The following MED12 variants were observed in gnomAD, a reference collection of about 807,000 sequenced individuals.
MED12 encodes mediator complex subunit 12, also known as mediator of RNA polymerase II transcription subunit 12.
A neutral mutation model predicts 177.7 loss-of-function variants in MED12; 10 were observed. The ratio of observed to expected loss-of-function variants is 0.06; its 90% CI spans 0.03 to 0.10. The LOEUF (loss-of-function observed/expected upper bound fraction) is 0.10, where lower values mean the gene tolerates loss of function less well. Among genes scored for constraint, MED12 ranks in the 10% least tolerant of loss-of-function variants. The pLI, the probability that MED12 is intolerant of heterozygous loss-of-function variation, is 1.00. For synonymous variants in MED12, 641 were observed against 678.4 expected (o/e 0.94, Z 0.86); for missense variants, 867 against 1,780.8 (o/e 0.49, Z 9.23).
chrX:71,127,856 C>T (rs1380998869), intron 21 of MED12, 37 bp from the exon 22 acceptor site: 1 of 1,110,088 alleles, frequency 9.0e-7, no homozygotes, highest in Non-Finnish European at 1.2e-6. Context: ...AGCAGGCCTT[C>T]TTCAACACTA....
At chrX:71,140,545 G>A (rs1422400437) in intron 41 of MED12, 90 bp from the exon 42 acceptor site, 5 of 1,204,771 alleles carry the variant, frequency 4.2e-6, no homozygotes, top group Admixed American at 4.4e-5. Context: ...ACCTGCTAAC[G>A]TTTCTTTCAG....
rs12010687 is a variant in MED12 at position 71,135,038 on chromosome X, C to T, written c.4864-54C>T. 5,297 of 1,200,368 alleles carry T rather than the reference C, an allele frequency of 4.4e-3. 185 individuals carry two copies. In the African/African-American group the frequency reaches 0.084, roughly 19 times the overall value. ...GTTCTGTGCTGTCCCCTGAGACTTC[C>T]CATCCCTGTTTTCTGTATCTCTGAA... On this transcript the variant is annotated intron_variant, in intron 35 of 44. Coordinates refer to ENST00000374080, the MANE Select transcript of MED12 (RefSeq NM_005120.3).
intron 2 of MED12, 23 bp downstream of exon 2, chrX:71,119,500 A>C: frequency 1.7e-6 from 2 of 1,152,614 alleles, no homozygotes; most frequent in Non-Finnish European, 2.3e-6. Flanking sequence ...TGCCAGGCTG[A>C]AGGAAAAGGC....
intron 41 of MED12, 43 bp downstream of exon 41, chrX:71,137,986 A>G: frequency 8.6e-7 from 1 of 1,163,075 alleles, no homozygotes; most frequent in Non-Finnish European, 1.2e-6. Flanking sequence ...GCAGAGGTAT[A>G]AGGGAGCATT....
chrX:71,129,898 T>A lies in MED12; in HGVS notation c.3867+43T>A, dbSNP rs988274749. The A allele has an allele frequency of 9.2e-6, 11 of 1,199,464 alleles. No homozygotes were observed. The Admixed American group carries it at 2.2e-4, about 24-fold the overall frequency. The stretch of plus-strand genomic sequence containing the variant: ...CCCACACCTCCTAAATGCCTCTGTG[T>A]AATATAGTTCTGTTTCCAGCCCATG... On this transcript the variant is annotated intron_variant, in intron 27 of 44. Transcript: ENST00000374080.
chrX:71,122,953 C>T (rs1236585702), intron 10 of MED12, 79 bp downstream of exon 10: 2 of 1,149,760 alleles, frequency 1.7e-6, no homozygotes, highest in Non-Finnish European at 2.4e-6. Flanking sequence ...CATGGTGAGG[C>T]ATTGAAAGCA....
chrX:71,129,613 C>T, intron 26 of MED12, 67 bp from the exon 27 acceptor site: 1 of 1,144,495 alleles, frequency 8.7e-7, no homozygotes, highest in Non-Finnish European at 1.2e-6. Context: ...TCTGTGGGCC[C>T]AGGGTGGGTC....
rs202120461 is a variant in MED12 at position 71,129,773 on chromosome X, G to A, written c.3785G>A (p.Arg1262Lys). ...GGAGGAGGTGGCAGTGGTGGTCGGA[G>A]GCAGGGTGGCCGCAACATCTCTGTG... ...EEGGGGSGGR[R>K]QGGRNISVET... The change falls in exon 27 of 45, where the codon AGG (arginine) becomes AAG (lysine). Residue 1262 changes from arginine to lysine, a missense_variant. Physicochemically the swap from Arg to Lys is conservative, Grantham distance 26. Around this residue, in one of 14 missense-constraint regions of MED12, gnomAD observed 29 missense variants for 31.3 expected, o/e 0.93. Transcript: ENST00000374080. 34 of 1,208,445 alleles carry A rather than the reference G, an allele frequency of 2.8e-5. No individual in the cohort carries two copies. In the East Asian group the frequency reaches 8.3e-4, roughly 30 times the overall value.
chrX:71,137,984 A>G (rs776203014), intron 41 of MED12, 41 bp downstream of exon 41: 1 of 1,158,516 alleles, frequency 8.6e-7, no homozygotes, highest in Non-Finnish European at 1.2e-6. Context: ...ATGCAGAGGT[A>G]TAAGGGAGCA....
intron 10 of MED12, 105 bp from the exon 11 acceptor site, chrX:71,122,990 T>C (rs1569481110): frequency 2.2e-5 from 26 of 1,164,056 alleles, no homozygotes; most frequent in Non-Finnish European, 2.7e-5. Flanking sequence ...ATGATCTTAC[T>C]GGGCCCAGGA....
chrX:71,120,040 G>A lies in MED12; in HGVS notation c.423G>A (p.Glu141=), dbSNP rs755316164. ...TCCCCATTTTCAGTAAGAAGGAAGA[G>A]GTGTTTGGGTACTTAGCCAAATACA... ...KKVPIFSKKE[E]VFGYLAKYTV... Residue 141 remains glutamate, a synonymous_variant, in exon 4 of 45, where the codon GAG becomes GAA. Transcript: ENST00000374080. The A allele has an allele frequency of 8.3e-7, 1 of 1,211,872 alleles. No individual in the cohort carries two copies. Among genetic ancestry groups the A allele is most frequent in the Admixed American group, 2.2e-5 (1 of 46,054 alleles).
chrX:71,124,134 AT>A (rs2092296842), intron 12 of MED12, 24 bp from the exon 13 acceptor site: 1 of 1,170,061 alleles, frequency 8.5e-7, no homozygotes, highest in African/African-American at 1.8e-5. Context: ...CTCCTAACTT[AT>A]GTTTCCTCAT....
intron 13 of MED12, 78 bp from the exon 14 acceptor site, chrX:71,124,686 T>G (rs2092298271): frequency 1.2e-6 from 1 of 808,874 alleles, no homozygotes; most frequent in African/African-American, 2.0e-5. Flanking sequence ...CTCTCTCCAC[T>G]TCCCCAATGA....
intron 33 of MED12, 133 bp downstream of exon 33, chrX:71,133,345 T>G: frequency 2.1e-6 from 1 of 476,936 alleles, no homozygotes; most frequent in Non-Finnish European, 3.6e-6. Flanking sequence ...GGTTTTTTTT[T>G]TTTTTGGAGT....
chrX:71,133,008 C>G (rs370564821), intron 32 of MED12, 52 bp downstream of exon 32: 28 of 1,060,004 alleles, frequency 2.6e-5, no homozygotes, highest in Non-Finnish European at 3.6e-5. Context: ...AAGGATGCAC[C>G]TAAGGGGTTA....
rs754673791 is a variant in MED12 at position 71,128,049 on chromosome X, C to A, written c.3138C>A (p.Asn1046Lys). The A allele has an allele frequency of 8.3e-7, 1 of 1,211,569 alleles. No homozygotes were observed. Among genetic ancestry groups the A allele is most frequent in the South Asian group, 1.8e-5 (1 of 56,964 alleles). The change falls in exon 22 of 45, where the codon AAC becomes AAA. Residue 1046 changes from asparagine (N) to lysine (K), a missense_variant. This residue lies in a region of MED12 where 70 missense variants were observed against 143.6 expected (regional missense o/e 0.49). Transcript: ENST00000374080. Reference sequence around the variant, plus strand: ...GGCTAGGCAAGAGTCTTAGTGAGAACCCTGCTAACCGCTACAGCTTTGTCT... The same window carrying A: ...GGCTAGGCAAGAGTCTTAGTGAGAAACCTGCTAACCGCTACAGCTTTGTCT... ...YTGLGKSLSE[N>K]PANRYSFVCN...
intron 38 of MED12, 74 bp downstream of exon 38, chrX:71,137,103 C>A: frequency 8.4e-7 from 1 of 1,187,570 alleles, no homozygotes; most frequent in Admixed American, 2.3e-5. Flanking sequence ...GATGCCATTC[C>A]CCTGAGGAGC....
At chrX:71,122,412 T>C in intron 8 of MED12, 66 bp downstream of exon 8, 1 of 1,190,915 alleles carries the variant, frequency 8.4e-7, no homozygotes, top group Non-Finnish European at 1.1e-6. Flanking sequence ...CTTTCAGAAG[T>C]AGTGATTTGG....
chrX:71,126,183 A>C, intron 18 of MED12, 29 bp downstream of exon 18: 3 of 1,172,172 alleles, frequency 2.6e-6, no homozygotes, highest in Non-Finnish European at 1.2e-6. Flanking sequence ...CCCCTTTCCC[A>C]CATTCTGGCC....
Sources: allele counts gnomAD v4.1 joint callset, GRCh38; gene constraint gnomAD v4.1.1; regional missense constraint gnomAD v4.1.1; transcripts MANE v1.5; gene names NCBI Gene and HGNC (gene_info 2026-07-23, HGNC 2026-07-21).